The following PCDHA10 variants were observed in gnomAD, a reference collection of about 807,000 sequenced individuals.
The protein encoded by PCDHA10 is protocadherin alpha-10.
In PCDHA10, 45 loss-of-function variants were observed where a neutral mutation model predicts 61.2. That is an observed-to-expected ratio of 0.74 (90% confidence interval 0.58 to 0.94). PCDHA10 has a LOEUF of 0.94. PCDHA10 is among the 40% of genes least tolerant of loss of function. The pLI is 0.00. For missense variants in PCDHA10, 1,278 were observed against 1,236.2 expected (o/e 1.03, Z -0.51); for synonymous variants, 602 against 548.8 (o/e 1.10, Z -1.35).
chr5:140,947,760 A>G (rs1332466215), intron 1 of PCDHA10, among the ~76,000 whole-genome samples: 1 of 151,618 alleles, frequency 6.6e-6, no homozygotes, highest in Admixed American at 6.6e-5. Context: ...TTATGGTTTA[A>G]AAAATTCTAT....
intron 3 of PCDHA10, among the ~76,000 whole-genome samples, chr5:141,006,404 G>T (rs1001810745): frequency 6.6e-6 from 1 of 151,938 alleles, no homozygotes; most frequent in Admixed American, 6.6e-5. Flanking sequence ...TAGTAGAGAC[G>T]CGGTTTCACT....
intron 1 of PCDHA10, among the ~76,000 whole-genome samples, chr5:140,878,496 C>G (rs562678244): frequency 7.2e-5 from 11 of 152,174 alleles, no homozygotes; most frequent in Non-Finnish European, 1.6e-4. Flanking sequence ...ATTTAACCAT[C>G]TGTACGATAC....
chr5:140,992,845 C>T (rs2097530741), intron 3 of PCDHA10, among the ~76,000 whole-genome samples: 1 of 152,148 alleles, frequency 6.6e-6, no homozygotes, highest in African/African-American at 2.4e-5. Context: ...TTTTGTATAA[C>T]AACCAGTTTC....
At position 140,997,829 on chromosome 5, in the gene PCDHA10, C is replaced by G. The variant is rs1294994549; in HGVS notation, c.2537-11798C>G. On this transcript the variant is annotated intron_variant, in intron 3 of 3. Transcript: ENST00000307360. ...GCTGTTGGTATCTATGTTTTCTAAA[C>G]AATACAATATACATTCTTATACATA... 2.0e-5 allele frequency among the ~76,000 whole-genome samples: 3 copies of G among 152,190 alleles called. No homozygotes were observed. The East Asian group carries it at 5.8e-4, about 29-fold the overall frequency.
intron 1 of PCDHA10, among the ~76,000 whole-genome samples, chr5:140,879,472 G>T (rs546855959): frequency 6.6e-6 from 1 of 152,318 alleles, no homozygotes; most frequent in South Asian, 2.1e-4. Context: ...GAATACCGTT[G>T]TGATTGGAAA....
chr5:140,963,386 A>G (rs189164274), intron 1 of PCDHA10, among the ~76,000 whole-genome samples: 2 of 152,344 alleles, frequency 1.3e-5, no homozygotes, highest in Admixed American at 1.3e-4. Flanking sequence ...CTCTGTGCCA[A>G]GCTCCCTACT....
intron 3 of PCDHA10, among the ~76,000 whole-genome samples, chr5:140,992,691 G>A (rs373170347): frequency 9.3e-4 from 142 of 152,244 alleles, no homozygotes; most frequent in Middle Eastern, 3.4e-3. Context: ...GGGTTGAGGG[G>A]TGGGTAATGT....
chr5:140,861,487 G>A, intron 1 of PCDHA10: 1 of 490,310 alleles, frequency 2.0e-6, no homozygotes, highest in Non-Finnish European at 4.2e-6. Context: ...ATTTTTGTGA[G>A]TTCTCTGATA....
intron 3 of PCDHA10, among the ~76,000 whole-genome samples, chr5:141,007,801 G>T (rs559830556): frequency 2.6e-5 from 4 of 152,148 alleles, no homozygotes; most frequent in Non-Finnish European, 5.9e-5. Flanking sequence ...GCCTTTATCT[G>T]CCATTCATTT....
At chr5:140,953,996 T>C (rs989520486) in intron 1 of PCDHA10, among the ~76,000 whole-genome samples, 1 of 152,158 alleles carries the variant, frequency 6.6e-6, no homozygotes, top group African/African-American at 2.4e-5. Context: ...TCATGTGTAC[T>C]CATCATTCAG....
Position 140,985,739 on chromosome 5 carries a change from C to CTT in PCDHA10, c.2536+3195_2536+3196dup, listed in dbSNP as rs11372071. 6.5e-3 allele frequency among the ~76,000 whole-genome samples: 761 copies of CTT among 117,902 alleles called. 21 individuals carry two copies. The highest frequency in any genetic ancestry group is 0.054 in the East Asian group (218 of 4,012). The allele number at this position is 117,902 out of a possible 152,430, so 77.3% of individuals were successfully genotyped here. On this transcript the variant is annotated intron_variant, in intron 3 of 3. Transcript: ENST00000307360. ...TTATTTTTCCTTCACTGATGAATTC[C>CTT]TTTTTTTTTTTTTTTTTTTTGAGAC...
At chr5:140,875,878 A>C (rs782804026) in intron 1 of PCDHA10, 2 of 1,614,212 alleles carry the variant, frequency 1.2e-6, no homozygotes, top group East Asian at 4.5e-5. Context: ...GTTCAGAGAA[A>C]GGGAACAAAA....
At chr5:140,928,397 C>T in intron 1 of PCDHA10, 1 of 1,614,082 alleles carries the variant, frequency 6.2e-7, no homozygotes, top group East Asian at 2.2e-5. Context: ...GCAGTGGAAT[C>T]ATCCAGTGGG....
intron 1 of PCDHA10, chr5:140,875,290 A>AT (rs1231810985): frequency 7.9e-6 from 11 of 1,396,906 alleles, no homozygotes; most frequent in Non-Finnish European, 1.0e-5. Context: ...AAACAGGAAA[A>AT]TTTTTTTCTC....
At chr5:140,922,916 C>T (rs2081069739) in intron 1 of PCDHA10, among the ~76,000 whole-genome samples, 1 of 152,146 alleles carries the variant, frequency 6.6e-6, no homozygotes, top group South Asian at 2.1e-4. Context: ...TACAAATAAA[C>T]TTCAGACTTT....
Position 140,862,324 on chromosome 5 carries a change from T to C in PCDHA10, c.2388+3888T>C, listed in dbSNP as rs536000037. On this transcript the variant is annotated intron_variant, in intron 1 of 3. Coordinates refer to ENST00000307360, the MANE Select transcript of PCDHA10 (RefSeq NM_018901.4). ...TGGGTACCGTCATAGCCCTAATCAGTGTAATTGACCCTAACTTCAGTGCCA... is the reference window on the plus strand; with the variant it reads ...TGGGTACCGTCATAGCCCTAATCAGCGTAATTGACCCTAACTTCAGTGCCA... 7 of 322,970 alleles carry C rather than the reference T, an allele frequency of 2.2e-5. No individual in the cohort carries two copies. In the East Asian group the frequency reaches 4.7e-4, roughly 22 times the overall value. 20.0% of individuals were successfully genotyped at this position (322,970 alleles called of 1,614,324 possible). A position where few individuals can be genotyped will look rare whatever the true frequency, so the allele number is the denominator to read the frequency against.
intron 1 of PCDHA10, chr5:140,882,976 T>A: frequency 6.2e-7 from 1 of 1,614,220 alleles, no homozygotes; most frequent in South Asian, 1.1e-5. Context: ...TGGACGTGAA[T>A]GACAACGCCC....
At chr5:140,901,060 A>AT (rs542927280) in intron 1 of PCDHA10, among the ~76,000 whole-genome samples, 21 of 151,128 alleles carry the variant, frequency 1.4e-4, no homozygotes, top group African/African-American at 3.2e-4. Flanking sequence ...AGATTATTAG[A>AT]TTTTTTTTTC....
chr5:140,984,140 A>G (rs2097088641), intron 3 of PCDHA10, among the ~76,000 whole-genome samples: 1 of 152,240 alleles, frequency 6.6e-6, no homozygotes, highest in Non-Finnish European at 1.5e-5. Context: ...ATGTGGAGGC[A>G]TCTGGGAAGG....
Sources: allele counts gnomAD v4.1 joint callset (sites outside exome capture counted in the v4.1 genomes callset), GRCh38; gene constraint gnomAD v4.1.1; transcripts MANE v1.5; gene names NCBI Gene and HGNC (gene_info 2026-07-23, HGNC 2026-07-21).